The following KLHL11 variants were observed in gnomAD, a reference collection of about 807,000 sequenced individuals.
The protein encoded by KLHL11 is kelch like family member 11.
KLHL11 carries 26 observed loss-of-function variants against 56.1 expected under a neutral mutation model. That is an observed-to-expected ratio of 0.46 (90% CI 0.34 to 0.64). The LOEUF (loss-of-function observed/expected upper bound fraction) is 0.64. KLHL11 is among the 30% of genes least tolerant of loss of function. The probability of loss-of-function intolerance (pLI) is 0.01; values close to 1 mark genes in which losing one functional copy is unlikely to be tolerated. For synonymous variants in KLHL11, 338 were observed against 345.8 expected, an observed-to-expected ratio of 0.98 and a Z score of 0.25; for missense variants, 627 against 919.4, an observed-to-expected ratio of 0.68 and a Z score of 4.11.
rs781901294 is a variant in KLHL11 at position 41,850,232 on chromosome 17, T to C, written c.*3508A>G. The stretch of plus-strand genomic sequence containing the variant: ...TAGGATATTTCAGAAACACAAGTTA[T>C]TGATGTGAAATTACACATGTGAATT... On this transcript the variant is annotated 3_prime_UTR_variant, in exon 2 of 2. Transcript: ENST00000319121. 3 of 152,170 alleles carry C rather than the reference T, an allele frequency of 2.0e-5. No individual in the cohort carries two copies. In the East Asian group the frequency reaches 5.8e-4, roughly 29 times the overall value. 9.4% of individuals were successfully genotyped at this position (152,170 alleles called of 1,614,324 possible). A position where few individuals can be genotyped will look rare whatever the true frequency, so the allele number is the denominator to read the frequency against.
chr17:41,860,457 T>C (rs2048395955), intron 1 of KLHL11, among the ~76,000 whole-genome samples: 1 of 151,922 alleles, frequency 6.6e-6, no homozygotes, highest in Non-Finnish European at 1.5e-5. Flanking sequence ...AATGTGATGG[T>C]TGCAGGGCAC....
Position 41,865,325 on chromosome 17 carries a change from C to G in KLHL11, c.46G>C (p.Ala16Pro), listed in dbSNP as rs782304746. ...VAAAAAAAAA[A>P]SLQVLEMESM... ...TCCATCTCCAGTACCTGAAGAGATG[C>G]AGCCGCGGCCGCCGCCGCCGCCGCC... The change falls in exon 1 of 2, where the codon GCA becomes CCA. Residue 16 changes from alanine to proline, a missense_variant. Coordinates refer to ENST00000319121, the MANE Select transcript of KLHL11 (RefSeq NM_018143.3). The G allele has an allele frequency of 3.4e-6, 5 of 1,457,344 alleles. No individual in the cohort carries two copies. Among genetic ancestry groups the G allele is most frequent in the Non-Finnish European group, 4.5e-6 (5 of 1,118,838 alleles). The allele number at this position is 1,457,344 out of a possible 1,614,324, so 90.3% of individuals were successfully genotyped here. A position where few individuals can be genotyped will look rare whatever the true frequency, so the allele number is the denominator to read the frequency against.
Position 41,862,005 on chromosome 17 carries a change from G to T in KLHL11, c.545+2821C>A, listed in dbSNP as rs566352012. On this transcript the variant is annotated intron_variant, in intron 1 of 1. Coordinates refer to ENST00000319121, the MANE Select transcript of KLHL11 (RefSeq NM_018143.3). ...CTCTGACCTGCAACCATCACTAATG[G>T]GTTGACAGAGTTGACACGACTGGCT... 1.2e-4 allele frequency among the ~76,000 whole-genome samples: 18 copies of T among 152,184 alleles called. 1 individual carries two copies. The East Asian group carries it at 3.5e-3, about 29-fold the overall frequency.
intron 1 of KLHL11, among the ~76,000 whole-genome samples, chr17:41,856,524 C>A (rs1241360063): frequency 2.6e-5 from 4 of 151,972 alleles, no homozygotes; most frequent in African/African-American, 4.8e-5. Context: ...AATCTGAAAA[C>A]AACAGCAACA....
In KLHL11 at chr17:41,848,882, T is replaced by C. The variant is rs1428540561; in HGVS notation, c.*4858A>G. 4 of 153,194 alleles carry C rather than the reference T, an allele frequency of 2.6e-5. No homozygotes were observed. The highest frequency in any genetic ancestry group is 9.6e-5 in the African/African-American group (4 of 41,460). The allele number at this position is 153,194 out of a possible 1,614,324, so 9.5% of individuals were successfully genotyped here. ...TAACAAGTGCTCTGCAGTCTGTGCT[T>C]CAATGTAAGACATTCGTAGTGATGG... On this transcript the variant is annotated 3_prime_UTR_variant, in exon 2 of 2. Transcript: ENST00000319121.
In KLHL11 at chr17:41,865,050, C is replaced by T. The variant is rs1555623402; in HGVS notation, c.321G>A (p.Glu107=). ...TLCFGGAGGR[E]FRAHRSVLAA... ...CCAGTACCGAGCGGTGGGCCCGGAACTCGCGGCCTCCAGCCCCGCCGAAGC... is the reference window on the plus strand; with the variant it reads ...CCAGTACCGAGCGGTGGGCCCGGAATTCGCGGCCTCCAGCCCCGCCGAAGC... Residue 107 remains glutamate (E), a synonymous_variant, in exon 1 of 2, where the codon GAG becomes GAA. Transcript: ENST00000319121. The T allele has an allele frequency of 6.3e-7, 1 of 1,587,660 alleles. No individual in the cohort carries two copies.
Position 41,854,110 on chromosome 17 carries a change from T to A in KLHL11, c.1757A>T (p.Asp586Val). The A allele has an allele frequency of 6.2e-7, 1 of 1,614,238 alleles. No homozygotes were observed. Among genetic ancestry groups the A allele is most frequent in the Non-Finnish European group, 8.5e-7 (1 of 1,180,040 alleles). ...TGGAGGCAAGCTTTCAAGGATCTCA[T>A]CAGACACTTGGCTGGCAATTTTTCT... ...AVRKIASQVS[D>V]EILESLPPEV... is the part of the protein sequence containing the mutation. The change falls in exon 2 of 2, where the codon GAT (aspartate) becomes GTT (valine). Residue 586 changes from aspartate (D) to valine (V), a missense_variant. Asp to Val is a radical substitution (Grantham distance 152). This residue lies in a region of KLHL11 where 250 missense variants were observed against 360.6 expected (regional missense o/e 0.69). Coordinates refer to ENST00000319121, the MANE Select transcript of KLHL11 (RefSeq NM_018143.3). The surrounding 1 kb of genome is among the most constrained non-coding windows in gnomAD (Gnocchi z 4.9).
At chr17:41,864,403 T>G (rs1450058683) in intron 1 of KLHL11, among the ~76,000 whole-genome samples, 1 of 152,230 alleles carries the variant, frequency 6.6e-6, no homozygotes, top group African/African-American at 2.4e-5. Flanking sequence ...GGATCCTGCC[T>G]GAGGGCGTTT....
rs2048338168 is a variant in KLHL11 at position 41,852,618 on chromosome 17, C to A, written c.*1122G>T. The stretch of plus-strand genomic sequence containing the variant: ...CCAGCCTGGTCAACATGGTGAAACC[C>A]TGTCTCTACTAAAAGCACAAAAATT... On this transcript the variant is annotated 3_prime_UTR_variant, in exon 2 of 2. Coordinates refer to ENST00000319121, the MANE Select transcript of KLHL11 (RefSeq NM_018143.3). Among the ~76,000 whole-genome samples, 2 of 151,762 alleles carry A rather than the reference C, an allele frequency of 1.3e-5. No individual in the cohort carries two copies. Among genetic ancestry groups the A allele is most frequent in the Admixed American group, 1.3e-4 (2 of 15,226 alleles).
At position 41,849,295 on chromosome 17, in the gene KLHL11, C is replaced by CA. The variant is rs2048318901; in HGVS notation, c.*4444dup. The CA allele has an allele frequency of 6.6e-6, 1 of 152,036 alleles. No homozygotes were observed. The highest frequency in any genetic ancestry group is 2.1e-4 in the South Asian group (1 of 4,828). The allele number at this position is 152,036 out of a possible 1,614,324, so 9.4% of individuals were successfully genotyped here. ...TTTAAACTTAATTTGAGAAAAGTAT[C>CA]AAAAAAGAAGTCCCTTTAGTTATGC... On this transcript the variant is annotated 3_prime_UTR_variant, in exon 2 of 2. Transcript: ENST00000319121.
rs200346586 is a variant in KLHL11 at position 41,863,325 on chromosome 17, A to G, written c.545+1501T>C. 6.6e-5 allele frequency among the ~76,000 whole-genome samples: 10 copies of G among 151,428 alleles called. No homozygotes were observed. The East Asian group carries it at 1.9e-3, about 29-fold the overall frequency. ...CGATTCTTGTGTCTCAGCCTCCCCA[A>G]CAGCTGGGATTACAGGCACACCACC... On this transcript the variant is annotated intron_variant, in intron 1 of 1. Transcript: ENST00000319121.
rs1430965197 is a variant in KLHL11 at position 41,848,668 on chromosome 17, G to A, written c.*5072C>T. 2.2e-5 allele frequency: 4 copies of A among 183,680 alleles called. No individual in the cohort carries two copies. The highest frequency in any genetic ancestry group is 3.5e-5 in the Non-Finnish European group (3 of 86,312). 11.4% of individuals were successfully genotyped at this position (183,680 alleles called of 1,614,324 possible). A position where few individuals can be genotyped will look rare whatever the true frequency, so the allele number is the denominator to read the frequency against. ...CTACATCTCCTCTGAGTTAAGGGGA[G>A]ATAGTGAAGATTATATTTTCAGTAG... On this transcript the variant is annotated 3_prime_UTR_variant, in exon 2 of 2. Coordinates refer to ENST00000319121, the MANE Select transcript of KLHL11 (RefSeq NM_018143.3).
chr17:41,855,329 C>T lies in KLHL11; in HGVS notation c.546-8G>A. ...AAACGAATGAGTAGGAACCTAAAAT[C>T]AAGAAAAAGAGAAAAGATTAATTTT... is the stretch of plus-strand genomic sequence containing the variant. On this transcript the variant is annotated splice_region_variant and splice_polypyrimidine_tract_variant and intron_variant, in intron 1 of 1. Transcript: ENST00000319121. 6.6e-7 allele frequency: 1 copy of T among 1,515,004 alleles called. No individual in the cohort carries two copies. The highest frequency in any genetic ancestry group is 8.9e-7 in the Non-Finnish European group (1 of 1,123,364). The allele number at this position is 1,515,004 out of a possible 1,614,324, so 93.8% of individuals were successfully genotyped here. A position where few individuals can be genotyped will look rare whatever the true frequency, so the allele number is the denominator to read the frequency against.
Position 41,851,697 on chromosome 17 carries a change from G to C in KLHL11, c.*2043C>G, listed in dbSNP as rs534822960. On this transcript the variant is annotated 3_prime_UTR_variant, in exon 2 of 2. Transcript: ENST00000319121. ...GATACGGGTGGATCTCCTGAGCCCA[G>C]GAGTTGGAGACCAGCCTCGGCAACA... Among the ~76,000 whole-genome samples the C allele has an allele frequency of 5.3e-4, 81 of 151,904 alleles. No individual in the cohort carries two copies. The highest frequency in any genetic ancestry group is 1.9e-3 in the African/African-American group (80 of 41,422).
rs931658710 is a variant in KLHL11 at position 41,852,397 on chromosome 17, G to A, written c.*1343C>T. On this transcript the variant is annotated 3_prime_UTR_variant, in exon 2 of 2. Coordinates refer to ENST00000319121, the MANE Select transcript of KLHL11 (RefSeq NM_018143.3). ...CAAAGTTTGAAAGTGTGGGGCAACT[G>A]GATAAAATATAACAATCAGAAATAA... is the stretch of plus-strand genomic sequence containing the variant. 2.6e-5 allele frequency among the ~76,000 whole-genome samples: 4 copies of A among 152,048 alleles called. No individual in the cohort carries two copies. The highest frequency in any genetic ancestry group is 3.8e-4 in the East Asian group (2 of 5,196).
In KLHL11 at chr17:41,850,403, T is replaced by C. The variant is rs1389667410; in HGVS notation, c.*3337A>G. On this transcript the variant is annotated 3_prime_UTR_variant, in exon 2 of 2. Coordinates refer to ENST00000319121, the MANE Select transcript of KLHL11 (RefSeq NM_018143.3). Reference sequence around the variant, plus strand: ...CAAGGTTTTAAAACCAGATTATGCCTAAATCTTATGAGTTATAATTTCTGT... The same window carrying C: ...CAAGGTTTTAAAACCAGATTATGCCCAAATCTTATGAGTTATAATTTCTGT... The C allele has an allele frequency of 2.0e-5, 3 of 152,180 alleles. No individual in the cohort carries two copies. Among genetic ancestry groups the C allele is most frequent in the African/African-American group, 7.2e-5 (3 of 41,442 alleles). 9.4% of individuals were successfully genotyped at this position (152,180 alleles called of 1,614,324 possible).
At position 41,853,655 on chromosome 17, in the gene KLHL11, C is replaced by G; in HGVS notation, c.*85G>C. ...TCAGTTCATGTAGAAAATAAGTTAT[C>G]GACATACTTTTTTAAATAACAGCCT... On this transcript the variant is annotated 3_prime_UTR_variant, in exon 2 of 2. Coordinates refer to ENST00000319121, the MANE Select transcript of KLHL11 (RefSeq NM_018143.3). 2.7e-6 allele frequency: 4 copies of G among 1,455,464 alleles called. No individual in the cohort carries two copies. The highest frequency in any genetic ancestry group is 3.7e-6 in the Non-Finnish European group (4 of 1,085,814). The allele number at this position is 1,455,464 out of a possible 1,614,324, so 90.2% of individuals were successfully genotyped here. A position where few individuals can be genotyped will look rare whatever the true frequency, so the allele number is the denominator to read the frequency against.
intron 1 of KLHL11, among the ~76,000 whole-genome samples, chr17:41,855,807 G>T (rs1440386958): frequency 2.0e-5 from 3 of 150,544 alleles, no homozygotes; most frequent in African/African-American, 4.9e-5. Flanking sequence ...AAGTAGCTGG[G>T]ATTACAGGCG....
At chr17:41,859,513 C>T (rs977664425) in intron 1 of KLHL11, among the ~76,000 whole-genome samples, 1 of 151,534 alleles carries the variant, frequency 6.6e-6, no homozygotes, top group Non-Finnish European at 1.5e-5. Context: ...TGCAGTAAGC[C>T]GAGATCATGC....
Sources: gnomAD v4.1 joint callset for allele counts (sites outside exome capture counted in the v4.1 genomes callset) on GRCh38, gnomAD v4.1.1 for gene constraint, gnomAD v4.1.1 regional missense constraint, Gnocchi (gnomAD v3.1) non-coding constraint, MANE v1.5 for transcripts, NCBI Gene and HGNC (gene_info 2026-07-23, HGNC 2026-07-21) for gene names.